GPR20: variants seen among roughly 807,000 people sequenced by gnomAD.
GPR20 encodes G protein-coupled receptor 20.
For missense variants in GPR20, 494 were observed against 527.4 expected (o/e 0.94, Z 0.62); for synonymous variants, 241 against 241.9 (o/e 1.00, Z 0.04).
intron 1 of GPR20, among the ~76,000 whole-genome samples, chr8:141,358,235 C>T (rs1429567522): frequency 6.6e-6 from 1 of 152,258 alleles, no homozygotes; most frequent in African/African-American, 2.4e-5. Context: ...CTGCGACCGT[C>T]CTGGCACGAG....
rs763741808 is a variant in GPR20, at chr8:141,357,487, A to G, written c.437T>C (p.Val146Ala). The G allele has an allele frequency of 6.8e-5, 109 of 1,612,978 alleles. No individual in the cohort carries two copies. Among genetic ancestry groups the G allele is most frequent in the Non-Finnish European group, 8.7e-5 (103 of 1,179,908 alleles). ...CSILFLTCIC[V>A]DRYLAIVRPE... ...CCGCACGATGGCCAGGTAGCGGTCC[A>G]CGCAGATGCAGGTGAGGAAGAGGAT... is the stretch of plus-strand genomic sequence containing the variant. The change falls in exon 2 of 2, where the codon GTG (valine) becomes GCG (alanine). Residue 146 changes from valine (V) to alanine (A), a missense_variant. Transcript: ENST00000377741.
chr8:141,356,921 A>G lies in GPR20; in HGVS notation c.1003T>C (p.Ser335Pro), dbSNP rs1212860981. The part of the protein sequence containing the change: ...VVSMHRSSKG[S>P]GRHHILSAGP... ...GCACTGAGGATGTGATGACGGCCTG[A>G]GCCCTTGGAGCTCCTGTGCATGCTG... The change falls in exon 2 of 2, where the codon TCA (serine) becomes CCA (proline). Residue 335 changes from serine (S) to proline (P), a missense_variant. Coordinates refer to ENST00000377741, the MANE Select transcript of GPR20 (RefSeq NM_005293.3). 5 of 1,612,326 alleles carry G rather than the reference A, an allele frequency of 3.1e-6. No homozygotes were observed. Among genetic ancestry groups the G allele is most frequent in the Non-Finnish European group, 4.2e-6 (5 of 1,179,602 alleles).
Position 141,366,288 on chromosome 8 carries a change from G to T in GPR20, c.-25+913C>A, listed in dbSNP as rs1379651244. Among the ~76,000 whole-genome samples, 2 of 152,324 alleles carry T rather than the reference G, an allele frequency of 1.3e-5. 1 individual carries two copies. The highest frequency in any genetic ancestry group is 6.8e-3 in the Middle Eastern group (2 of 294). On this transcript the variant is annotated intron_variant, in intron 1 of 1. Coordinates refer to ENST00000377741, the MANE Select transcript of GPR20 (RefSeq NM_005293.3). The stretch of plus-strand genomic sequence containing the variant: ...GGAGCCCAGCGACTGGATGAGTCCT[G>T]GGGGGAGAGGGGAGGGAAGACCCAG...
In GPR20 at chr8:141,363,648, C is replaced by T. The variant is rs139190910; in HGVS notation, c.-25+3553G>A. Among the ~76,000 whole-genome samples the T allele has an allele frequency of 6.6e-3, 1,000 of 152,376 alleles. 13 individuals carry two copies. The highest frequency in any genetic ancestry group is 0.023 in the African/African-American group (966 of 41,594). Reference sequence around the variant, plus strand: ...GGGGTGCTGGCACCTGCCCAGAGGCCTCCAGCGGGGCACCAGGGTCATGCC... The same window carrying T: ...GGGGTGCTGGCACCTGCCCAGAGGCTTCCAGCGGGGCACCAGGGTCATGCC... On this transcript the variant is annotated intron_variant, in intron 1 of 1. Coordinates refer to ENST00000377741, the MANE Select transcript of GPR20 (RefSeq NM_005293.3).
At chr8:141,362,107 T>C (rs1831743091) in intron 1 of GPR20, among the ~76,000 whole-genome samples, 1 of 152,220 alleles carries the variant, frequency 6.6e-6, no homozygotes. Flanking sequence ...TCACTGCACC[T>C]GACTGATGCT....
In GPR20 at chr8:141,357,750, C is replaced by T. The variant is rs143776711; in HGVS notation, c.174G>A (p.Ala58=). The T allele has an allele frequency of 1.7e-4, 278 of 1,613,156 alleles. 1 individual carries two copies. In the African/African-American group the frequency reaches 2.7e-3, roughly 16 times the overall value. The change falls in exon 2 of 2, where the codon GCG becomes GCA. Residue 58 remains alanine, a synonymous_variant. Transcript: ENST00000377741. ...TFPGLWLALM[A]VHGAIFLAGL... is the part of the protein sequence containing the mutation. ...CTGCCAGGAAGATGGCTCCGTGCAC[C>T]GCCATCAGCGCCAGCCACAGGCCTG...
Position 141,366,397 on chromosome 8 carries a change from G to A in GPR20, c.-25+804C>T, listed in dbSNP as rs564683042. 1.4e-4 allele frequency among the ~76,000 whole-genome samples: 22 copies of A among 152,168 alleles called. 1 individual carries two copies. The South Asian group carries it at 2.1e-3, about 14-fold the overall frequency. On this transcript the variant is annotated intron_variant, in intron 1 of 1. Coordinates refer to ENST00000377741, the MANE Select transcript of GPR20 (RefSeq NM_005293.3). ...GGTGCATTCCCCGTCCTGCGAGGTCGCCAGCTGCTCCACGTCTGCCCCGCC... is the reference window on the plus strand; with the variant it reads ...GGTGCATTCCCCGTCCTGCGAGGTCACCAGCTGCTCCACGTCTGCCCCGCC...
intron 1 of GPR20, among the ~76,000 whole-genome samples, chr8:141,363,049 G>T (rs7841697): frequency 6.6e-6 from 1 of 152,008 alleles, no homozygotes; most frequent in South Asian, 2.1e-4. Flanking sequence ...TACTGCGCCC[G>T]GCCCCATCAC....
In GPR20 at chr8:141,358,984, G is replaced by C. The variant is rs371917511; in HGVS notation, c.-24-1037C>G. Reference sequence around the variant, plus strand: ...GTTCCTGCCCTGGCGTGTTTAACTCGGCAGTGATTTATCCCTCTATTTATA... The same window carrying C: ...GTTCCTGCCCTGGCGTGTTTAACTCCGCAGTGATTTATCCCTCTATTTATA... On this transcript the variant is annotated intron_variant, in intron 1 of 1. Coordinates refer to ENST00000377741, the MANE Select transcript of GPR20 (RefSeq NM_005293.3). Among the ~76,000 whole-genome samples, 16 of 152,262 alleles carry C rather than the reference G, an allele frequency of 1.1e-4. No individual in the cohort carries two copies. The East Asian group carries it at 2.3e-3, about 22-fold the overall frequency.
rs370443305 is a variant in GPR20 at position 141,357,853 on chromosome 8, C to T, written c.71G>A (p.Arg24Gln). The T allele has an allele frequency of 6.0e-5, 96 of 1,612,082 alleles. No individual in the cohort carries two copies. The highest frequency in any genetic ancestry group is 4.4e-4 in the South Asian group (40 of 90,912). The change falls in exon 2 of 2, where the codon CGG becomes CAG. Residue 24 changes from arginine (R) to glutamine (Q), a missense_variant. Transcript: ENST00000377741. ...VPNATAVTTV[R>Q]TNASGLEVPL... ...CACCTCCAGCCCGCTGGCATTGGTC[C>T]GCACTGTTGTCACTGCGGTGGCATT...
intron 1 of GPR20, among the ~76,000 whole-genome samples, 182 bp from the exon 2 acceptor site, chr8:141,358,129 G>T (rs7386380): frequency 0.79 from 120,601 of 152,298 alleles, 48,074 homozygotes; most frequent in African/African-American, 0.85. Flanking sequence ...GCCTCGGACA[G>T]CAGCAGAAAA....
intron 1 of GPR20, among the ~76,000 whole-genome samples, chr8:141,358,816 GC>G (rs1374275768): frequency 1.3e-5 from 2 of 152,208 alleles, no homozygotes; most frequent in African/African-American, 2.4e-5. Context: ...GGAGACAGAG[GC>G]CCCTGTGGGG....
chr8:141,357,732 G>A lies in GPR20; in HGVS notation c.192C>T (p.Phe64=). ...GCCCGTTGAGCACCAGCCCTGCCAG[G>A]AAGATGGCTCCGTGCACCGCCATCA... The part of the protein sequence containing the change: ...LALMAVHGAI[F]LAGLVLNGLA... The change falls in exon 2 of 2, where the codon TTC becomes TTT. Residue 64 remains phenylalanine, a synonymous_variant. Transcript: ENST00000377741. 5 of 1,613,298 alleles carry A rather than the reference G, an allele frequency of 3.1e-6. No individual in the cohort carries two copies. The highest frequency in any genetic ancestry group is 4.2e-6 in the Non-Finnish European group (5 of 1,179,944).
At chr8:141,366,241 C>T (rs981296589) in intron 1 of GPR20, among the ~76,000 whole-genome samples, 5 of 152,206 alleles carry the variant, frequency 3.3e-5, no homozygotes, top group Non-Finnish European at 7.3e-5. Flanking sequence ...CGACTTGCCA[C>T]GGCCACTCAG....
rs773284153 is a variant in GPR20, at chr8:141,357,798, G to A, written c.126C>T (p.Asp42=). ...CTGGGAAGGTGCCATGCAGCTCCTC[G>A]TCCAGCCGGGCAAACAGGTGGAACA... The part of the protein sequence containing the change: ...VPLFHLFARL[D]EELHGTFPGL... The change falls in exon 2 of 2, where the codon GAC becomes GAT. Residue 42 remains aspartate, a synonymous_variant. Transcript: ENST00000377741. The A allele has an allele frequency of 6.1e-5, 98 of 1,613,288 alleles. No individual in the cohort carries two copies. In the Admixed American group the frequency reaches 1.3e-3, roughly 21 times the overall value.
intron 1 of GPR20, among the ~76,000 whole-genome samples, chr8:141,359,774 C>T (rs1831706804): frequency 1.3e-5 from 2 of 152,136 alleles, no homozygotes; most frequent in South Asian, 4.1e-4. Context: ...CTTCAGGAGC[C>T]CCAGAAGGTC....
chr8:141,360,745 C>T (rs759244939), intron 1 of GPR20, among the ~76,000 whole-genome samples: 9 of 152,184 alleles, frequency 5.9e-5, no homozygotes, highest in South Asian at 2.1e-4. Context: ...CTCTGCTCTC[C>T]GGAGGGCCCG....
At chr8:141,360,086 C>T (rs1321596988) in intron 1 of GPR20, among the ~76,000 whole-genome samples, 2 of 152,124 alleles carry the variant, frequency 1.3e-5, no homozygotes, top group African/African-American at 2.4e-5. Flanking sequence ...TCACCAGCAA[C>T]GCTGCGGTGC....
chr8:141,357,203 G>C lies in GPR20; in HGVS notation c.721C>G (p.Gln241Glu). The change falls in exon 2 of 2, where the codon CAG becomes GAG. Residue 241 changes from glutamine to glutamate, a missense_variant. Transcript: ENST00000377741. Reference protein sequence around the residue: ...QGRQRRVRAMQLLLTVLIIFL... With the variant: ...QGRQRRVRAMELLLTVLIIFL... ...ATGATGAGCACCGTGAGCAGGAGCTGCATGGCCCGCACGCGGCGCTGGCGA... is the reference window on the plus strand; with the variant it reads ...ATGATGAGCACCGTGAGCAGGAGCTCCATGGCCCGCACGCGGCGCTGGCGA... 2 of 1,578,610 alleles carry C rather than the reference G, an allele frequency of 1.3e-6. No homozygotes were observed. The highest frequency in any genetic ancestry group is 1.7e-6 in the Non-Finnish European group (2 of 1,165,328).
Sources: gnomAD v4.1 joint callset for allele counts (sites outside exome capture counted in the v4.1 genomes callset) on GRCh38, gnomAD v4.1.1 for gene constraint, MANE v1.5 for transcripts, NCBI Gene and HGNC (gene_info 2026-07-23, HGNC 2026-07-21) for gene names.